The following CDC42SE2 variants were observed in gnomAD, a reference collection of about 807,000 sequenced individuals.
CDC42SE2 encodes the protein CDC42 small effector 2.
A neutral mutation model predicts 11.5 loss-of-function variants in CDC42SE2; 3 were observed. The observed-to-expected ratio is 0.26, with a 90% CI of 0.12 to 0.67. The LOEUF is 0.67. Among genes scored for constraint, CDC42SE2 ranks in the 30% least tolerant of loss-of-function variants. The probability of loss-of-function intolerance (pLI) is 0.80; values close to 1 mark genes in which losing one functional copy is unlikely to be tolerated. For missense variants in CDC42SE2, 82 were observed against 106.8 expected, an observed-to-expected ratio of 0.77 and a Z score of 1.02; for synonymous variants, 33 against 34.8, an observed-to-expected ratio of 0.95 and a Z score of 0.18.
intron 1 of CDC42SE2, among the ~76,000 whole-genome samples, chr5:131,294,980 A>C (rs1757538847): frequency 6.6e-6 from 1 of 152,084 alleles, no homozygotes; most frequent in African/African-American, 2.4e-5. Flanking sequence ...ACAAAAAATT[A>C]GCCAGGCGTG....
At chr5:131,337,241 C>G (rs1039739371) in intron 2 of CDC42SE2, among the ~76,000 whole-genome samples, 2 of 152,136 alleles carry the variant, frequency 1.3e-5, no homozygotes, top group Non-Finnish European at 2.9e-5. Context: ...CACTCCAGAC[C>G]CTGTTTGCCT....
At chr5:131,340,796 G>A (rs1758694028) in intron 2 of CDC42SE2, among the ~76,000 whole-genome samples, 1 of 151,832 alleles carries the variant, frequency 6.6e-6, no homozygotes, top group South Asian at 2.1e-4. Flanking sequence ...TTGTGCCTCA[G>A]CCTCCCAAAT....
At chr5:131,264,450 G>A (rs1272931623) in intron 1 of CDC42SE2, among the ~76,000 whole-genome samples, 1 of 151,966 alleles carries the variant, frequency 6.6e-6, no homozygotes, top group East Asian at 1.9e-4. Context: ...GCGGACAGCT[G>A]AGGCAGCCAA....
chr5:131,216,934 C>A, the CDC42SE2 span, among the ~76,000 whole-genome samples: 1 of 152,170 alleles, frequency 6.6e-6, no homozygotes, highest in Non-Finnish European at 1.5e-5. Flanking sequence ...ACCATAGATA[C>A]TTAAAAAAGA....
chr5:131,370,125 C>T (rs1286942276), intron 3 of CDC42SE2, among the ~76,000 whole-genome samples: 2 of 152,164 alleles, frequency 1.3e-5, no homozygotes, highest in Non-Finnish European at 2.9e-5. Context: ...TATGTGCCCC[C>T]TTTGGGTGAG....
intron 1 of CDC42SE2, among the ~76,000 whole-genome samples, chr5:131,310,600 C>G (rs1757883882): frequency 6.6e-6 from 1 of 151,488 alleles, no homozygotes; most frequent in South Asian, 2.1e-4. Flanking sequence ...TTGTAGGTCA[C>G]TCAGGACTTG....
chr5:131,312,319 G>C (rs934042321), intron 1 of CDC42SE2, among the ~76,000 whole-genome samples: 10 of 152,132 alleles, frequency 6.6e-5, no homozygotes, highest in Non-Finnish European at 1.5e-4. Context: ...CTCCAGCTGC[G>C]TGCTGGGAGT....
At chr5:131,268,039 A>G (rs1010904207) in intron 1 of CDC42SE2, among the ~76,000 whole-genome samples, 5 of 146,802 alleles carry the variant, frequency 3.4e-5, no homozygotes, top group African/African-American at 1.3e-4. Context: ...AGAGAAGTAC[A>G]TGTACATGCT....
chr5:131,383,371 G>A (rs573916157), intron 3 of CDC42SE2, among the ~76,000 whole-genome samples: 1 of 152,286 alleles, frequency 6.6e-6, no homozygotes, highest in South Asian at 2.1e-4. Context: ...TGATTCTGTG[G>A]AACAGGGCCC....
chr5:131,362,112 T>G (rs1481429277), intron 3 of CDC42SE2, among the ~76,000 whole-genome samples: 1 of 152,152 alleles, frequency 6.6e-6, no homozygotes, highest in Non-Finnish European at 1.5e-5. Flanking sequence ...GCCCTAGCCA[T>G]GGACCTGCCT....
chr5:131,253,186 G>C (rs1280422614), intron 1 of CDC42SE2: 1 of 152,228 alleles, frequency 6.6e-6, no homozygotes, highest in Non-Finnish European at 1.5e-5. Flanking sequence ...AAAAAAAAGA[G>C]AAGCAGCCAA....
chr5:131,282,446 T>C (rs887479611), intron 1 of CDC42SE2, among the ~76,000 whole-genome samples: 5 of 152,164 alleles, frequency 3.3e-5, no homozygotes, highest in African/African-American at 1.2e-4. Context: ...CTAAATATGT[T>C]GTTGGAGGTA....
At chr5:131,277,947 TA>T (rs376540888) in intron 1 of CDC42SE2, among the ~76,000 whole-genome samples, 1 of 151,948 alleles carries the variant, frequency 6.6e-6, no homozygotes, top group African/African-American at 2.4e-5. Context: ...AGGTGTTCAG[TA>T]AAAAAAAGTG....
intron 1 of CDC42SE2, among the ~76,000 whole-genome samples, chr5:131,277,739 A>G (rs1757133314): frequency 6.6e-6 from 1 of 152,020 alleles, no homozygotes; most frequent in East Asian, 1.9e-4. Flanking sequence ...TACCTTTCCA[A>G]TCTCAGCTTA....
At chr5:131,323,992 T>C (rs149716979) in intron 2 of CDC42SE2, among the ~76,000 whole-genome samples, 33 of 152,198 alleles carry the variant, frequency 2.2e-4, no homozygotes, top group African/African-American at 8.0e-4. Context: ...TTCAAGAAAA[T>C]TTTAGGGGTG....
chr5:131,307,037 T>C (rs1009913765), intron 1 of CDC42SE2, among the ~76,000 whole-genome samples: 1 of 152,024 alleles, frequency 6.6e-6, no homozygotes, highest in Non-Finnish European at 1.5e-5. Context: ...AGCAAACAGA[T>C]ACAATTTCTC....
Position 131,391,188 on chromosome 5 carries a change from T to A in CDC42SE2, c.*97T>A. On this transcript the variant is annotated 3_prime_UTR_variant, in exon 5 of 5. Transcript: ENST00000505065. The stretch of plus-strand genomic sequence containing the variant: ...AATAGTAAATATATGTATATATATA[T>A]AATTTTTTAATGGTGAACTTATTGG... 1 of 456,356 alleles carries A rather than the reference T, an allele frequency of 2.2e-6. No individual in the cohort carries two copies. Among genetic ancestry groups the A allele is most frequent in the Non-Finnish European group, 3.5e-6 (1 of 288,502 alleles). The allele number at this position is 456,356 out of a possible 1,614,324, so 28.3% of individuals were successfully genotyped here. A position where few individuals can be genotyped will look rare whatever the true frequency, so the allele number is the denominator to read the frequency against.
At chr5:131,211,088 C>T in the CDC42SE2 span, among the ~76,000 whole-genome samples, 1 of 152,200 alleles carries the variant, frequency 6.6e-6, no homozygotes. Flanking sequence ...CCGCCCTCCT[C>T]GGCCTCCCAA....
chr5:131,310,743 T>C (rs1757888146), intron 1 of CDC42SE2, among the ~76,000 whole-genome samples: 1 of 152,024 alleles, frequency 6.6e-6, no homozygotes, highest in South Asian at 2.1e-4. Context: ...AAAGTCTGTT[T>C]TATCAGAGAC....
Sources: allele counts gnomAD v4.1 joint callset (sites outside exome capture counted in the v4.1 genomes callset), GRCh38; gene constraint gnomAD v4.1.1; transcripts MANE v1.5; gene names NCBI Gene and HGNC (gene_info 2026-07-23, HGNC 2026-07-21).